Variants in UNC93A observed in about 807,000 individuals in gnomAD.
The protein encoded by UNC93A is N-acetylglucosamine transporter UNC93A.
Under a neutral mutation model 47.5 loss-of-function variants are expected in UNC93A, and 43 were observed. That is an observed-to-expected ratio of 0.91 (90% CI 0.71 to 1.17). The LOEUF (loss-of-function observed/expected upper bound fraction) is 1.17, where lower values mean the gene tolerates loss of function less well. Ranked by LOEUF, UNC93A falls within the 50% of genes most tolerant of loss-of-function variation. UNC93A has a pLI of 0.00. For missense variants in UNC93A, 605 were observed against 577.6 expected (o/e 1.05, Z -0.49); for synonymous variants, 280 against 258.0 (o/e 1.09, Z -0.82).
At chr6:167,306,123 A>G in intron 6 of UNC93A, 73 bp downstream of exon 6, 1 of 1,591,898 alleles carries the variant, frequency 6.3e-7, no homozygotes, top group East Asian at 2.3e-5. Context: ...GCTCACAGTC[A>G]GGACAGGCTG....
chr6:167,286,003 A>G (rs903917087), intron 1 of UNC93A, among the ~76,000 whole-genome samples: 4 of 149,178 alleles, frequency 2.7e-5, no homozygotes, highest in African/African-American at 1.0e-4. Context: ...CAATGAGCCT[A>G]TAATACATTT....
rs141304996 is a variant in UNC93A, at chr6:167,295,163, T to C, written c.269+465T>C. On this transcript the variant is annotated intron_variant, in intron 2 of 7. Transcript: ENST00000230256. ...GAGGCCACCCTGCTCCCTGGTGAGA[T>C]GGACCACAGAGACTGAGCTCTGAGG... Among the ~76,000 whole-genome samples, 756 of 152,226 alleles carry C rather than the reference T, an allele frequency of 5.0e-3. 9 individuals are homozygous for C. The highest frequency in any genetic ancestry group is 0.017 in the African/African-American group (699 of 41,530).
At chr6:167,280,539 CA>C (rs1384333736) in intron 1 of UNC93A, among the ~76,000 whole-genome samples, 8 of 152,096 alleles carry the variant, frequency 5.3e-5, no homozygotes. Flanking sequence ...CTGCTGTTTC[CA>C]TGGATAATTT....
chr6:167,289,450 AAG>A (rs1293390963), upstream of UNC93A, among the ~76,000 whole-genome samples: 7 of 152,168 alleles, frequency 4.6e-5, no homozygotes, highest in Admixed American at 2.0e-4. Context: ...CTGGGAGGAA[AAG>A]AGAGAAAAAG....
chr6:167,277,648 CCTCTGTCTCT>C (rs1783565453), intron 1 of UNC93A, among the ~76,000 whole-genome samples: 1 of 150,272 alleles, frequency 6.7e-6, no homozygotes, highest in Non-Finnish European at 1.5e-5. Flanking sequence ...TCTCTGTCTC[CCTCTGTCTCT>C]CTATCTCTCT....
At chr6:167,303,306 T>C (rs9364475) in intron 4 of UNC93A, among the ~76,000 whole-genome samples, 39,502 of 152,150 alleles carry the variant, frequency 0.26, 5,168 homozygotes, top group Middle Eastern at 0.32. Context: ...TACACAGAGG[T>C]CTGCATCTTG....
chr6:167,298,287 GA>G, intron 4 of UNC93A: 1 of 591,682 alleles, frequency 1.7e-6, no homozygotes. Context: ...GGGGTGATGA[GA>G]TTGTTATACA....
At chr6:167,286,186 T>C (rs4461709) in intron 1 of UNC93A, among the ~76,000 whole-genome samples, 2,233 of 150,882 alleles carry the variant, frequency 0.015, 34 homozygotes, top group East Asian at 0.06. Flanking sequence ...CTTGTCTTTA[T>C]AAGATGTTCT....
intron 4 of UNC93A, among the ~76,000 whole-genome samples, chr6:167,302,267 T>C (rs1408993202): frequency 6.6e-6 from 1 of 152,104 alleles, no homozygotes; most frequent in African/African-American, 2.4e-5. Context: ...GTCCACTGCA[T>C]GGGTCACACG....
In UNC93A at chr6:167,315,369, G is replaced by A. The variant is rs536332358; in HGVS notation, c.1291G>A (p.Val431Met). 8.7e-6 allele frequency: 14 copies of A among 1,613,948 alleles called. No individual in the cohort carries two copies. The highest frequency in any genetic ancestry group is 2.2e-5 in the South Asian group (2 of 91,078). Residue 431 changes from valine (V) to methionine (M), a missense_variant, in exon 8 of 8, where the codon GTG (valine) becomes ATG (methionine). By Grantham distance (21) the Val-to-Met change is conservative (BLOSUM62 1). Coordinates refer to ENST00000230256, the MANE Select transcript of UNC93A (RefSeq NM_018974.4). ...TMVAYGLVECVESKNPIRPHA... is the reference protein window; with the variant it reads ...TMVAYGLVECMESKNPIRPHA... ...GGTGGCGTATGGGCTTGTGGAGTGC[G>A]TGGAGTCCAAGAACCCGATCAGACC...
chr6:167,271,600 A>G (rs530632992), intron 1 of UNC93A: 1 of 152,290 alleles, frequency 6.6e-6, no homozygotes, highest in Non-Finnish European at 1.5e-5. Context: ...ATCTATCATA[A>G]GTGGGACACA....
At chr6:167,305,083 C>T (rs918053362) in intron 5 of UNC93A, among the ~76,000 whole-genome samples, 1 of 146,032 alleles carries the variant, frequency 6.8e-6, no homozygotes, top group African/African-American at 2.6e-5. Context: ...GGCTCTCCTT[C>T]CGGAGGAAAC....
chr6:167,278,912 C>T (rs1349058391), intron 1 of UNC93A, among the ~76,000 whole-genome samples: 2 of 152,198 alleles, frequency 1.3e-5, no homozygotes, highest in Non-Finnish European at 2.9e-5. Flanking sequence ...AGTTGTCATC[C>T]ATGTGATTAG....
At chr6:167,281,901 A>G (rs1362592268) in intron 1 of UNC93A, among the ~76,000 whole-genome samples, 2 of 152,194 alleles carry the variant, frequency 1.3e-5, no homozygotes, top group Non-Finnish European at 2.9e-5. Context: ...CTGGTTTCTC[A>G]ATTAAAGAAA....
intron 1 of UNC93A, among the ~76,000 whole-genome samples, chr6:167,282,301 TG>T (rs1428883384): frequency 6.6e-6 from 1 of 152,010 alleles, no homozygotes; most frequent in East Asian, 1.9e-4. Context: ...CTGCAGGGTG[TG>T]GGTCTGGCCT....
intron 7 of UNC93A, among the ~76,000 whole-genome samples, chr6:167,312,109 G>A (rs1778573598): frequency 1.3e-5 from 2 of 152,112 alleles, no homozygotes; most frequent in Non-Finnish European, 2.9e-5. Flanking sequence ...CTTTTGAAGA[G>A]CACCGTAGTC....
intron 7 of UNC93A, among the ~76,000 whole-genome samples, chr6:167,313,230 A>T (rs1778605939): frequency 6.6e-6 from 1 of 152,168 alleles, no homozygotes; most frequent in African/African-American, 2.4e-5. Context: ...TGGGGAACCT[A>T]CTGTCTCCCA....
chr6:167,298,525 C>CT (rs373731342), intron 4 of UNC93A, among the ~76,000 whole-genome samples: 7,234 of 143,878 alleles, frequency 0.05, 330 homozygotes, highest in East Asian at 0.24. Flanking sequence ...CTATAAGCCA[C>CT]TTTTTTTTTT....
At chr6:167,314,624 C>T (rs964664834) in intron 7 of UNC93A, among the ~76,000 whole-genome samples, 1 of 152,224 alleles carries the variant, frequency 6.6e-6, no homozygotes, top group Admixed American at 6.5e-5. Flanking sequence ...ACCAACGTGC[C>T]TCCCGTTCTA....
Sources: allele counts gnomAD v4.1 joint callset (sites outside exome capture counted in the v4.1 genomes callset), GRCh38; gene constraint gnomAD v4.1.1; transcripts MANE v1.5; gene names NCBI Gene and HGNC (gene_info 2026-07-23, HGNC 2026-07-21).